Variants in RORB observed in about 807,000 individuals in gnomAD.
The protein encoded by RORB is RAR related orphan receptor B.
A neutral mutation model predicts 59.1 loss-of-function variants in RORB; 6 were observed. The ratio of observed to expected loss-of-function variants is 0.10; its 90% CI spans 0.06 to 0.20. The LOEUF (loss-of-function observed/expected upper bound fraction) is 0.20. Ranked by LOEUF, RORB falls within the 10% of genes least tolerant of loss-of-function variation. RORB has a pLI of 1.00. For missense variants in RORB, 320 were observed against 560.5 expected, an observed-to-expected ratio of 0.57 and a Z score of 4.33; for synonymous variants, 215 against 204.5, an observed-to-expected ratio of 1.05 and a Z score of -0.44.
At chr9:74,613,948 G>A (rs1328298607) in intron 1 of RORB, among the ~76,000 whole-genome samples, 1 of 152,136 alleles carries the variant, frequency 6.6e-6, no homozygotes, top group East Asian at 1.9e-4. Context: ...TGGTATATGT[G>A]TACCATATTT....
intron 1 of RORB, among the ~76,000 whole-genome samples, chr9:74,567,154 T>C (rs1822481788): frequency 6.6e-6 from 1 of 151,912 alleles, no homozygotes; most frequent in Non-Finnish European, 1.5e-5. Context: ...ACCTCCCGAC[T>C]ACCTGGAAAT....
chr9:74,573,464 T>TAAA (rs5898361), intron 1 of RORB, among the ~76,000 whole-genome samples: 35 of 131,840 alleles, frequency 2.7e-4, no homozygotes, highest in African/African-American at 9.8e-4. Context: ...CTTTTGTTAT[T>TAAA]AAAAAAAAAA....
chr9:74,625,078 C>T (rs1823487278), intron 1 of RORB, among the ~76,000 whole-genome samples: 1 of 151,988 alleles, frequency 6.6e-6, no homozygotes, highest in African/African-American at 2.4e-5. Flanking sequence ...ACAAGTATAG[C>T]CCCAAACCAA....
intron 1 of RORB, among the ~76,000 whole-genome samples, chr9:74,525,638 A>G (rs1236464984): frequency 1.3e-5 from 2 of 151,938 alleles, no homozygotes; most frequent in Non-Finnish European, 2.9e-5. Context: ...GTAGGCAGGT[A>G]TGTGGGAAAC....
intron 1 of RORB, among the ~76,000 whole-genome samples, chr9:74,610,931 G>A (rs183828768): frequency 2.1e-4 from 32 of 152,250 alleles, no homozygotes; most frequent in African/African-American, 7.5e-4. Flanking sequence ...CTGGTCTGGG[G>A]ACTACACTTT....
chr9:74,576,486 A>G (rs894673806), intron 1 of RORB, among the ~76,000 whole-genome samples: 13 of 152,234 alleles, frequency 8.5e-5, no homozygotes, highest in Non-Finnish European at 1.5e-4. Context: ...TCAAGATTTC[A>G]TAGGGGACAA....
intron 1 of RORB, among the ~76,000 whole-genome samples, chr9:74,584,522 G>A (rs911556011): frequency 6.6e-6 from 1 of 152,186 alleles, no homozygotes; most frequent in Non-Finnish European, 1.5e-5. Context: ...TATTTCTGCA[G>A]GAAGTGTGGT....
At chr9:74,620,621 C>G (rs560614838) in intron 1 of RORB, among the ~76,000 whole-genome samples, 15 of 152,070 alleles carry the variant, frequency 9.9e-5, no homozygotes, top group Non-Finnish European at 2.1e-4. Flanking sequence ...TTCTCTAGTT[C>G]TTTTAATTGT....
chr9:74,549,612 GGAAGGAAGGAAGGAAGAAAGGAAA>G (rs1563934634), intron 1 of RORB, among the ~76,000 whole-genome samples: 33 of 100,190 alleles, frequency 3.3e-4, no homozygotes, highest in African/African-American at 1.1e-3. Flanking sequence ...AAGGAAGAAA[GGAAGGAAGGAAGGAAGAAAGGAAA>G]GAAAGAAAGA....
Position 74,685,686 on chromosome 9 carries a change from G to A in RORB, c.*68G>A. ...ATTAAGACAAAAGCAATGTGTTCATGAAGACTTAAGAAAAATGTCACTACT... is the reference window on the plus strand; with the variant it reads ...ATTAAGACAAAAGCAATGTGTTCATAAAGACTTAAGAAAAATGTCACTACT... On this transcript the variant is annotated 3_prime_UTR_variant, in exon 10 of 10. Coordinates refer to ENST00000376896, the MANE Select transcript of RORB (RefSeq NM_006914.4). 2 of 1,262,658 alleles carry A rather than the reference G, an allele frequency of 1.6e-6. No individual in the cohort carries two copies. The highest frequency in any genetic ancestry group is 1.1e-6 in the Non-Finnish European group (1 of 939,696). The allele number at this position is 1,262,658 out of a possible 1,614,324, so 78.2% of individuals were successfully genotyped here.
At chr9:74,624,420 G>A (rs976122689) in intron 1 of RORB, among the ~76,000 whole-genome samples, 5 of 152,184 alleles carry the variant, frequency 3.3e-5, no homozygotes, top group African/African-American at 1.2e-4. Flanking sequence ...ATACACATGG[G>A]CACAATCCAA....
At chr9:74,543,506 T>C (rs1245831614) in intron 1 of RORB, among the ~76,000 whole-genome samples, 8 of 152,194 alleles carry the variant, frequency 5.3e-5, no homozygotes, top group Non-Finnish European at 1.2e-4. Flanking sequence ...CAGACACTAT[T>C]CTAGCCCTGA....
intron 1 of RORB, among the ~76,000 whole-genome samples, chr9:74,591,898 G>A (rs972042556): frequency 2.6e-5 from 4 of 152,150 alleles, no homozygotes; most frequent in African/African-American, 7.2e-5. Flanking sequence ...TATGGGGAGT[G>A]TGTGCGTGTG....
intron 8 of RORB, among the ~76,000 whole-genome samples, chr9:74,669,377 G>A (rs1417771237): frequency 6.6e-6 from 1 of 151,684 alleles, no homozygotes; most frequent in Non-Finnish European, 1.5e-5. Flanking sequence ...TCCTTGGGAA[G>A]CTGAGGCAGG....
At chr9:74,572,485 A>T (rs969322721) in intron 1 of RORB, among the ~76,000 whole-genome samples, 5 of 152,120 alleles carry the variant, frequency 3.3e-5, no homozygotes, top group Non-Finnish European at 7.3e-5. Context: ...ATCAAGAAAG[A>T]TGCCCCACCA....
chr9:74,573,187 A>G (rs1822579025), intron 1 of RORB, among the ~76,000 whole-genome samples: 1 of 152,140 alleles, frequency 6.6e-6, no homozygotes, highest in Non-Finnish European at 1.5e-5. Context: ...TGAACAAAGT[A>G]TGTGGTGCCA....
At chr9:74,542,576 A>G (rs1473305025) in intron 1 of RORB, among the ~76,000 whole-genome samples, 2 of 152,198 alleles carry the variant, frequency 1.3e-5, no homozygotes, top group Non-Finnish European at 2.9e-5. Context: ...AGATAGGGAG[A>G]GAAAATGAGA....
chr9:74,580,421 G>C (rs1453347107), intron 1 of RORB, among the ~76,000 whole-genome samples: 2 of 152,088 alleles, frequency 1.3e-5, no homozygotes, highest in African/African-American at 4.8e-5. Context: ...AATAGATCTT[G>C]TTCCTTGATT....
intron 1 of RORB, among the ~76,000 whole-genome samples, chr9:74,572,216 A>G (rs1822564813): frequency 6.6e-6 from 1 of 152,216 alleles, no homozygotes; most frequent in African/African-American, 2.4e-5. Flanking sequence ...AAGCATAGAT[A>G]ACATTTATTA....
Sources: gnomAD v4.1 joint callset for allele counts (sites outside exome capture counted in the v4.1 genomes callset) on GRCh38, gnomAD v4.1.1 for gene constraint, MANE v1.5 for transcripts, NCBI Gene and HGNC (gene_info 2026-07-23, HGNC 2026-07-21) for gene names.